Variants in MPPED2 observed in about 807,000 individuals in gnomAD.
The protein encoded by MPPED2 is metallophosphoesterase MPPED2.
A neutral mutation model predicts 33.0 loss-of-function variants in MPPED2; 5 were observed. The ratio of observed to expected loss-of-function variants is 0.15; its 90% CI spans 0.08 to 0.32. The LOEUF is 0.32. Among genes scored for constraint, MPPED2 ranks in the 10% least tolerant of loss-of-function variants. The pLI, the probability that MPPED2 is intolerant of heterozygous loss-of-function variation, is 1.00. For synonymous variants in MPPED2, 136 were observed against 141.9 expected (o/e 0.96, Z 0.29); for missense variants, 275 against 372.1 (o/e 0.74, Z 2.15).
Position 30,419,586 on chromosome 11 carries a change from T to C in MPPED2, c.537-1953A>G, listed in dbSNP as rs1565049089. 2.0e-5 allele frequency among the ~76,000 whole-genome samples: 3 copies of C among 152,332 alleles called. No homozygotes were observed. In the East Asian group the frequency reaches 5.8e-4, roughly 29 times the overall value. ...GAGTTTCTTTTGGAGAACCACTCCC[T>C]TTCCCACTCAGTACATGTGCTTCTG... On this transcript the variant is annotated intron_variant, in intron 4 of 6. Transcript: ENST00000358117.
intron 2 of MPPED2, among the ~76,000 whole-genome samples, chr11:30,579,972 C>G (rs1459529416): frequency 6.6e-6 from 1 of 152,048 alleles, no homozygotes; most frequent in Non-Finnish European, 1.5e-5. Context: ...TGTTCTTTTC[C>G]GTTCTTATCT....
intron 4 of MPPED2, chr11:30,495,039 T>C (rs777562325): frequency 4.0e-5 from 18 of 455,184 alleles, no homozygotes; most frequent in Middle Eastern, 5.8e-4. Flanking sequence ...CAATACCCCA[T>C]GGACACTGAG....
At chr11:30,455,701 A>G (rs904300235) in intron 4 of MPPED2, among the ~76,000 whole-genome samples, 2 of 152,208 alleles carry the variant, frequency 1.3e-5, no homozygotes, top group African/African-American at 2.4e-5. Context: ...GTGTAAATCA[A>G]TTAAGCATCC....
chr11:30,414,291 G>A lies in MPPED2; in HGVS notation c.703C>T (p.Leu235=). 1 of 1,614,008 alleles carries A rather than the reference G, an allele frequency of 6.2e-7. No homozygotes were observed. ...ACTCGCCTCTGAACCGTGTTTAACA[G>A]CTCCACACAGCCCACTCTTTGAAGC... ...KELQRVGCVE[L]LNTVQRRVRP... is the part of the protein sequence containing the mutation. The change falls in exon 6 of 7, where the codon CTG becomes TTG. Residue 235 remains leucine (L), a synonymous_variant. Coordinates refer to ENST00000358117, the MANE Select transcript of MPPED2 (RefSeq NM_001584.3).
exon 7 of MPPED2, chr11:30,385,867 C>T (rs975942651): frequency 2.0e-5 from 3 of 152,202 alleles, no homozygotes; most frequent in Admixed American, 6.5e-5. Flanking sequence ...TCCTTAATGT[C>T]ACTCACCCAC....
chr11:30,442,783 G>A (rs1389964917), intron 4 of MPPED2, among the ~76,000 whole-genome samples: 1 of 152,216 alleles, frequency 6.6e-6, no homozygotes, highest in Non-Finnish European at 1.5e-5. Context: ...GCTGAAGGAG[G>A]AGGATAGCTT....
At chr11:30,521,136 T>C (rs537583911) in intron 3 of MPPED2, among the ~76,000 whole-genome samples, 13 of 152,252 alleles carry the variant, frequency 8.5e-5, no homozygotes, top group African/African-American at 2.6e-4. Context: ...ATTTATGAAT[T>C]TGGGGGGAGA....
intron 6 of MPPED2, among the ~76,000 whole-genome samples, chr11:30,398,670 G>C (rs867739198): frequency 1.3e-5 from 2 of 152,034 alleles, no homozygotes; most frequent in Non-Finnish European, 2.9e-5. Context: ...GATCAAATTG[G>C]AGTAAGTTTT....
At chr11:30,396,856 A>T (rs1332944226) in intron 6 of MPPED2, among the ~76,000 whole-genome samples, 1 of 152,144 alleles carries the variant, frequency 6.6e-6, no homozygotes, top group Non-Finnish European at 1.5e-5. Flanking sequence ...TAAAATTTAC[A>T]TGGTATGTTT....
chr11:30,557,398 T>G (rs1434135762), intron 2 of MPPED2, among the ~76,000 whole-genome samples: 3 of 151,970 alleles, frequency 2.0e-5, no homozygotes, highest in East Asian at 1.9e-4. Flanking sequence ...CTTTGGAAAT[T>G]TATAGGTATT....
At chr11:30,425,905 C>T (rs995057699) in intron 4 of MPPED2, among the ~76,000 whole-genome samples, 9 of 152,076 alleles carry the variant, frequency 5.9e-5, no homozygotes, top group South Asian at 2.1e-4. Flanking sequence ...GAGAAGTAGA[C>T]GTAAAGAAAA....
chr11:30,391,498 G>A (rs147312021), intron 6 of MPPED2, among the ~76,000 whole-genome samples: 1,932 of 152,160 alleles, frequency 0.013, 25 homozygotes, highest in Middle Eastern at 0.027. Flanking sequence ...GCTTGGGTTC[G>A]CATCCTGGCT....
intron 2 of MPPED2, among the ~76,000 whole-genome samples, chr11:30,558,458 C>G (rs996684941): frequency 6.6e-6 from 1 of 151,520 alleles, no homozygotes; most frequent in African/African-American, 2.4e-5. Context: ...GCTCTGCCAC[C>G]AGGCTGCAGT....
At chr11:30,533,736 C>T (rs772619867) in intron 3 of MPPED2, among the ~76,000 whole-genome samples, 2 of 152,196 alleles carry the variant, frequency 1.3e-5, no homozygotes, top group Non-Finnish European at 2.9e-5. Context: ...CATTCTGCAA[C>T]CCATGCTGAA....
chr11:30,463,014 A>T (rs1478113060), intron 4 of MPPED2, among the ~76,000 whole-genome samples: 1 of 152,216 alleles, frequency 6.6e-6, no homozygotes, highest in Admixed American at 6.5e-5. Context: ...CCTAAAAGGA[A>T]ACAAGAGTCA....
intron 4 of MPPED2, among the ~76,000 whole-genome samples, chr11:30,485,088 T>C (rs1180185433): frequency 6.6e-6 from 1 of 152,168 alleles, no homozygotes; most frequent in Non-Finnish European, 1.5e-5. Flanking sequence ...GAACTTAACA[T>C]ACATGATCTT....
chr11:30,567,928 A>G (rs1313047429), intron 2 of MPPED2, among the ~76,000 whole-genome samples: 1 of 152,172 alleles, frequency 6.6e-6, no homozygotes, highest in Non-Finnish European at 1.5e-5. Flanking sequence ...CCCTTGGGAG[A>G]GAGCAAAACC....
intron 4 of MPPED2, among the ~76,000 whole-genome samples, chr11:30,474,593 C>T (rs1045025484): frequency 6.6e-6 from 1 of 152,098 alleles, no homozygotes; most frequent in African/African-American, 2.4e-5. Context: ...GAAAAACATG[C>T]AAATCAAGCT....
At chr11:30,546,576 C>T (rs770247864) in intron 2 of MPPED2, among the ~76,000 whole-genome samples, 1 of 152,158 alleles carries the variant, frequency 6.6e-6, no homozygotes, top group Non-Finnish European at 1.5e-5. Flanking sequence ...ATTGGAAGTG[C>T]AGGTGACTTC....
Sources: allele counts gnomAD v4.1 joint callset (sites outside exome capture counted in the v4.1 genomes callset), GRCh38; gene constraint gnomAD v4.1.1; transcripts MANE v1.5; gene names NCBI Gene and HGNC (gene_info 2026-07-23, HGNC 2026-07-21).